CUX1: variants seen among roughly 807,000 people sequenced by gnomAD.
The protein encoded by CUX1 is protein CASP.
A neutral mutation model predicts 158.8 loss-of-function variants in CUX1; 31 were observed. The observed-to-expected ratio is 0.20, with a 90% CI of 0.15 to 0.26. The LOEUF (loss-of-function observed/expected upper bound fraction) is 0.26, where lower values mean the gene tolerates loss of function less well. Among genes scored for constraint, CUX1 ranks in the 10% least tolerant of loss-of-function variants. The probability of loss-of-function intolerance (pLI) is 1.00; values close to 1 mark genes in which losing one functional copy is unlikely to be tolerated. For synonymous variants in CUX1, 879 were observed against 862.1 expected (o/e 1.02, Z -0.34); for missense variants, 1,589 against 2,014.6 (o/e 0.79, Z 4.04).
rs1345748257 is a variant in CUX1 at position 102,255,365 on chromosome 7, G to A, written c.*6323G>A. 3 of 968,354 alleles carry A rather than the reference G, an allele frequency of 3.1e-6. No homozygotes were observed. The African/African-American group carries it at 5.9e-5, about 19-fold the overall frequency. 60.0% of individuals were successfully genotyped at this position (968,354 alleles called of 1,614,324 possible). A position where few individuals can be genotyped will look rare whatever the true frequency, so the allele number is the denominator to read the frequency against. On this transcript the variant is annotated 3_prime_UTR_variant, in exon 24 of 24. Transcript: ENST00000292535. Reference sequence around the variant, plus strand: ...CCAAAATGCTAACTTTAAAAGTTGGGCATTGTAGGCGAAAAATCCCAAAAA... The same window carrying A: ...CCAAAATGCTAACTTTAAAAGTTGGACATTGTAGGCGAAAAATCCCAAAAA...
chr7:102,131,517 A>C (rs1314662169), intron 8 of CUX1, among the ~76,000 whole-genome samples: 6 of 151,780 alleles, frequency 4.0e-5, no homozygotes, highest in Admixed American at 3.3e-4. Flanking sequence ...AAGTTTGAAC[A>C]TAAAAACTGC....
chr7:102,191,154 A>G (rs1794228639), intron 12 of CUX1, among the ~76,000 whole-genome samples: 1 of 152,000 alleles, frequency 6.6e-6, no homozygotes, highest in Non-Finnish European at 1.5e-5. Context: ...TCCAGCTGCA[A>G]AGCCTCTGCC....
chr7:101,896,462 A>G (rs1413340950), intron 1 of CUX1, among the ~76,000 whole-genome samples: 1 of 152,218 alleles, frequency 6.6e-6, no homozygotes, highest in Non-Finnish European at 1.5e-5. Context: ...AGACCAGTGA[A>G]CAGATTGCTG....
In CUX1 at chr7:101,993,573, G is replaced by A. The variant is rs556577890; in HGVS notation, c.142-34525G>A. ...TAAAGCAAAGTGCCTGGCACTCTGC[G>A]CGACTGCTATTTTTTCATTCATTCA... On this transcript the variant is annotated intron_variant, in intron 2 of 23. Transcript: ENST00000292535. Among the ~76,000 whole-genome samples, 8 of 152,148 alleles carry A rather than the reference G, an allele frequency of 5.3e-5. No individual in the cohort carries two copies. The South Asian group carries it at 8.3e-4, about 16-fold the overall frequency.
intron 22 of CUX1, 105 bp from the exon 23 acceptor site, chr7:102,239,215 C>G: frequency 7.5e-7 from 1 of 1,332,992 alleles, no homozygotes; most frequent in Non-Finnish European, 1.0e-6. Flanking sequence ...ATGCTCTATG[C>G]AAAGTCCTGC....
intron 2 of CUX1, among the ~76,000 whole-genome samples, chr7:102,025,596 C>G (rs1819919509): frequency 6.6e-6 from 1 of 152,006 alleles, no homozygotes; most frequent in African/African-American, 2.4e-5. Flanking sequence ...CCACTGTACT[C>G]CAGCCTGGGT....
intron 4 of CUX1, among the ~76,000 whole-genome samples, chr7:102,072,605 G>A (rs1243817725): frequency 6.6e-6 from 1 of 152,210 alleles, no homozygotes; most frequent in Non-Finnish European, 1.5e-5. Flanking sequence ...CAGAAAAGGT[G>A]GAGGTTTGCA....
At chr7:102,052,924 C>G (rs572640081) in intron 3 of CUX1, among the ~76,000 whole-genome samples, 1 of 152,158 alleles carries the variant, frequency 6.6e-6, no homozygotes, top group South Asian at 2.1e-4. Flanking sequence ...TCTCCTGCCT[C>G]GGCCTCCTGA....
At chr7:101,871,740 G>A (rs555480707) in intron 1 of CUX1, among the ~76,000 whole-genome samples, 4 of 152,254 alleles carry the variant, frequency 2.6e-5, no homozygotes, top group South Asian at 2.1e-4. Context: ...TTTGTGGGCC[G>A]GGTGCCGTGG....
intron 2 of CUX1, among the ~76,000 whole-genome samples, chr7:101,919,390 T>C (rs549804645): frequency 6.6e-6 from 1 of 152,328 alleles, no homozygotes; most frequent in Non-Finnish European, 1.5e-5. Context: ...GATTGATTAC[T>C]AACCGTGGAG....
At chr7:102,198,166 A>G (rs1280900438) in intron 15 of CUX1, among the ~76,000 whole-genome samples, 2 of 152,208 alleles carry the variant, frequency 1.3e-5, no homozygotes, top group Non-Finnish European at 2.9e-5. Context: ...AGGCTAAGGC[A>G]GGAGGATGGC....
chr7:101,915,669 G>A (rs991106520), intron 1 of CUX1, among the ~76,000 whole-genome samples: 2 of 152,164 alleles, frequency 1.3e-5, no homozygotes, highest in Non-Finnish European at 2.9e-5. Flanking sequence ...GGAATGCCCC[G>A]AGGAGGGGAT....
At position 102,248,854 on chromosome 7, in the gene CUX1, AGC is replaced by A; in HGVS notation, c.4331_4332del (p.Ser1444LysfsTer106). 9.3e-7 allele frequency: 1 copy of A among 1,080,916 alleles called. No individual in the cohort carries two copies. Among genetic ancestry groups the A allele is most frequent in the South Asian group, 2.5e-5 (1 of 40,026 alleles). The allele number at this position is 1,080,916 out of a possible 1,614,324, so 67.0% of individuals were successfully genotyped here. On this transcript the variant is annotated frameshift_variant, in exon 24 of 24. Coordinates refer to ENST00000292535, the MANE Select transcript of CUX1 (RefSeq NM_181552.4). LOFTEE classifies it low-confidence loss of function (END_TRUNC). This position sits in a 1 kb window ranked among gnomAD's most constrained non-coding sequence, Gnocchi z 5.8. ...APSSAPPPSN[S>X]SSSSAPRRPS... ...GAGCTCCGCGCCGCCGCCCAGCAAC[AGC>A]AGCAGCAGCAGCGCCCCCCGCAGGC...
intron 2 of CUX1, among the ~76,000 whole-genome samples, chr7:101,992,941 G>A (rs1002137809): frequency 5.9e-5 from 9 of 152,132 alleles, no homozygotes; most frequent in Non-Finnish European, 1.0e-4. Context: ...TGGCCACCCC[G>A]AGGGGGCCCT....
chr7:101,880,584 G>A (rs1210872419), intron 1 of CUX1, among the ~76,000 whole-genome samples: 1 of 152,214 alleles, frequency 6.6e-6, no homozygotes, highest in Non-Finnish European at 1.5e-5. Flanking sequence ...CATTTTAAAA[G>A]GCAGAAATGA....
intron 17 of CUX1, among the ~76,000 whole-genome samples, chr7:102,276,446 C>T (rs781804434): frequency 2.0e-5 from 3 of 152,294 alleles, no homozygotes; most frequent in East Asian, 1.9e-4. Flanking sequence ...AGATTACAGG[C>T]GTCTGCCATC....
chr7:101,989,512 T>C (rs1424677932), intron 2 of CUX1, among the ~76,000 whole-genome samples: 1 of 152,036 alleles, frequency 6.6e-6, no homozygotes, highest in South Asian at 2.1e-4. Context: ...CAAACCCGAG[T>C]GGAGCGTTCT....
At chr7:102,235,701 C>CAAA (rs781946936) in intron 22 of CUX1, among the ~76,000 whole-genome samples, 2 of 88,674 alleles carry the variant, frequency 2.3e-5, no homozygotes, top group Non-Finnish European at 4.6e-5. Flanking sequence ...GACCCCATCT[C>CAAA]AAAAAAAAAA....
chr7:102,227,508 A>G lies in CUX1; in HGVS notation c.3272A>G (p.Glu1091Gly). 6.2e-7 allele frequency: 1 copy of G among 1,614,082 alleles called. No homozygotes were observed. The highest frequency in any genetic ancestry group is 8.5e-7 in the Non-Finnish European group (1 of 1,180,024). Reference sequence around the variant, plus strand: ...GCGAGCAAGGACAGCAAGCCACCAGAGCCCAGTGACCCGCCAGCATCCGAC... The same window carrying G: ...GCGAGCAAGGACAGCAAGCCACCAGGGCCCAGTGACCCGCCAGCATCCGAC... ...IEASKDSKPP[E>G]PSDPPASDSQ... The change falls in exon 21 of 24, where the codon GAG becomes GGG. Residue 1091 changes from glutamate to glycine, a missense_variant. By Grantham distance (98) the Glu-to-Gly change is moderately conservative. Around this residue, in one of 8 missense-constraint regions of CUX1, gnomAD observed 259 missense variants for 373.8 expected, o/e 0.69. Coordinates refer to ENST00000292535, the MANE Select transcript of CUX1 (RefSeq NM_181552.4).
Sources: allele counts gnomAD v4.1 joint callset (sites outside exome capture counted in the v4.1 genomes callset), GRCh38; gene constraint gnomAD v4.1.1; regional missense constraint gnomAD v4.1.1; non-coding constraint Gnocchi (gnomAD v3.1); transcripts MANE v1.5; gene names NCBI Gene and HGNC (gene_info 2026-07-23, HGNC 2026-07-21).